Variants in CFTR observed in about 807,000 individuals in gnomAD.
CFTR encodes the protein CF transmembrane conductance regulator.
In CFTR, 181 loss-of-function variants were observed where a neutral mutation model predicts 171.6. The observed-to-expected ratio is 1.05, with a 90% CI of 0.93 to 1.19. CFTR has a LOEUF of 1.19. Ranked by LOEUF, CFTR falls within the 50% of genes most tolerant of loss-of-function variation. The probability of loss-of-function intolerance (pLI) is 0.00; values close to 1 mark genes in which losing one functional copy is unlikely to be tolerated. For missense variants in CFTR, 1,968 were observed against 1,734.7 expected (o/e 1.13, Z -2.39); for synonymous variants, 583 against 608.0 (o/e 0.96, Z 0.60).
chr7:117,480,274 T>C (rs1164148561), intron 1 of CFTR, 127 bp downstream of exon 1: 4 of 838,390 alleles, frequency 4.8e-6, no homozygotes, highest in African/African-American at 1.7e-5. Flanking sequence ...TTCATTGTTT[T>C]GAAAGAAAAT....
chr7:117,568,781 A>T (rs1791642869), intron 11 of CFTR, among the ~76,000 whole-genome samples: 1 of 152,040 alleles, frequency 6.6e-6, no homozygotes, highest in Admixed American at 6.6e-5. Flanking sequence ...TCTCTTAGCA[A>T]TTTTCAAGTA....
At chr7:117,649,400 A>C (rs1476502102) in intron 23 of CFTR, among the ~76,000 whole-genome samples, 1 of 149,484 alleles carries the variant, frequency 6.7e-6, no homozygotes, top group Admixed American at 6.7e-5. Context: ...ACACACATAT[A>C]TCTGTGTGTA....
chr7:117,662,410 T>G (rs1256584306), intron 24 of CFTR, among the ~76,000 whole-genome samples: 1 of 152,134 alleles, frequency 6.6e-6, no homozygotes, highest in African/African-American at 2.4e-5. Flanking sequence ...ACTAGGTGCC[T>G]GGTTGAATGG....
At chr7:117,612,033 A>ATATATATATATATATATATG (rs1792408060) in intron 20 of CFTR, among the ~76,000 whole-genome samples, 2 of 75,310 alleles carry the variant, frequency 2.7e-5, no homozygotes, top group African/African-American at 6.0e-5. Context: ...GTATATATAT[A>ATATATATATATATATATATG]TATATATATA....
Position 117,649,365 on chromosome 7 carries a change from T to A in CFTR, c.3874-3477T>A, listed in dbSNP as rs951389191. ...ATATATATCTACACACATCTAGATA[T>A]ATATATACATGTATATCTATATATA... On this transcript the variant is annotated intron_variant, in intron 23 of 26. Transcript: ENST00000003084. 2.0e-5 allele frequency among the ~76,000 whole-genome samples: 3 copies of A among 150,104 alleles called. No homozygotes were observed. In the East Asian group the frequency reaches 5.8e-4, roughly 29 times the overall value.
intron 15 of CFTR, among the ~76,000 whole-genome samples, chr7:117,597,574 T>G (rs986374273): frequency 6.6e-6 from 1 of 152,222 alleles, no homozygotes; most frequent in African/African-American, 2.4e-5. Flanking sequence ...GTTCTCTTAT[T>G]CAAAAGGTTG....
chr7:117,563,732 G>C (rs1297074101), intron 11 of CFTR, among the ~76,000 whole-genome samples: 1 of 152,058 alleles, frequency 6.6e-6, no homozygotes, highest in Admixed American at 6.6e-5. Context: ...AATAATTGTT[G>C]ACAATAAGTT....
intron 11 of CFTR, among the ~76,000 whole-genome samples, chr7:117,577,725 TA>T (rs1232967888): frequency 2.6e-5 from 4 of 152,136 alleles, no homozygotes; most frequent in Admixed American, 6.6e-5. Context: ...ATGTGGGGGT[TA>T]GGGGTGCTGA....
intron 22 of CFTR, among the ~76,000 whole-genome samples, chr7:117,632,471 GAGGATC>G (rs1792761897): frequency 6.6e-6 from 1 of 151,760 alleles, no homozygotes; most frequent in South Asian, 2.1e-4. Flanking sequence ...ACTGAGGCAG[GAGGATC>G]GCTTGAGCCC....
In CFTR at chr7:117,619,233, T is replaced by C. The variant is rs1792537027; in HGVS notation, c.3468+4520T>C. Among the ~76,000 whole-genome samples the C allele has an allele frequency of 6.6e-5, 10 of 152,354 alleles. No individual in the cohort carries two copies. In the South Asian group the frequency reaches 2.1e-3, roughly 32 times the overall value. ...CTTCCATTTTTAGTAACATAAGTCT[T>C]GTCTTTCTCCTATTCTTAGCTACTT... On this transcript the variant is annotated intron_variant, in intron 21 of 26. Transcript: ENST00000003084.
chr7:117,545,285 C>T (rs904928455), intron 9 of CFTR, among the ~76,000 whole-genome samples: 1 of 152,180 alleles, frequency 6.6e-6, no homozygotes, highest in Non-Finnish European at 1.5e-5. Context: ...TGGGTCCCTC[C>T]CACAACACAT....
chr7:117,663,522 A>C (rs917235573), intron 24 of CFTR, among the ~76,000 whole-genome samples: 4 of 152,084 alleles, frequency 2.6e-5, no homozygotes, highest in Non-Finnish European at 4.4e-5. Flanking sequence ...AAAAAAAAAA[A>C]AAAAACAAGC....
Position 117,592,554 on chromosome 7 carries a change from T to C in CFTR, c.2387T>C (p.Leu796Pro), listed in dbSNP as rs1291965190. Residue 796 changes from leucine (L) to proline (P), a missense_variant, in exon 14 of 27, where the codon CTG becomes CCG. Transcript: ENST00000003084. ...KTTASTRKVS[L>P]APQANLTELD... ...ACAGCATCCACACGAAAAGTGTCACTGGCCCCTCAGGCAAACTTGACTGAA... is the reference window on the plus strand; with the variant it reads ...ACAGCATCCACACGAAAAGTGTCACCGGCCCCTCAGGCAAACTTGACTGAA... 2 of 1,521,192 alleles carry C rather than the reference T, an allele frequency of 1.3e-6. No homozygotes were observed. The highest frequency in any genetic ancestry group is 4.5e-5 in the East Asian group (2 of 44,104). The allele number at this position is 1,521,192 out of a possible 1,614,324, so 94.2% of individuals were successfully genotyped here. A position where few individuals can be genotyped will look rare whatever the true frequency, so the allele number is the denominator to read the frequency against.
At chr7:117,500,439 C>T (rs184990100) in intron 1 of CFTR, among the ~76,000 whole-genome samples, 40 of 151,626 alleles carry the variant, frequency 2.6e-4, no homozygotes, top group African/African-American at 9.2e-4. Context: ...GGCATGTGCC[C>T]CCATGCCTGG....
intron 26 of CFTR, among the ~76,000 whole-genome samples, chr7:117,666,570 C>T (rs775673024): frequency 4.0e-4 from 61 of 152,110 alleles, no homozygotes; most frequent in Non-Finnish European, 6.9e-4. Flanking sequence ...GTGGAAGAGG[C>T]TCAACTCTTT....
At chr7:117,648,811 G>A (rs1187554939) in intron 23 of CFTR, among the ~76,000 whole-genome samples, 1 of 152,118 alleles carries the variant, frequency 6.6e-6, no homozygotes, top group Admixed American at 6.6e-5. Context: ...CTGGAAGCAA[G>A]AGAGTGCCAG....
chr7:117,659,221 T>A (rs1793227079), intron 24 of CFTR, among the ~76,000 whole-genome samples: 2 of 152,146 alleles, frequency 1.3e-5, no homozygotes, highest in Non-Finnish European at 2.9e-5. Flanking sequence ...TTTCCAAAAA[T>A]CTGCCTTGAC....
rs186886234 is a variant in CFTR at position 117,523,668 on chromosome 7, C to T, written c.274-7231C>T. ...CTGGGATTACAGGCGTGAGCCACCG[C>T]GCCCGGCCCCTGTCTCTGAATTTTT... is the stretch of plus-strand genomic sequence containing the variant. On this transcript the variant is annotated intron_variant, in intron 3 of 26. Transcript: ENST00000003084. Among the ~76,000 whole-genome samples the T allele has an allele frequency of 1.5e-3, 231 of 152,264 alleles. 1 individual carries two copies. The highest frequency in any genetic ancestry group is 4.9e-3 in the African/African-American group (203 of 41,568).
At chr7:117,665,422 C>A in intron 25 of CFTR, 37 bp from the exon 26 acceptor site, 1 of 1,152,772 alleles carries the variant, frequency 8.7e-7, no homozygotes, top group South Asian at 1.2e-5. Context: ...CATTACTGTT[C>A]TGTGATATTA....
Sources: allele counts gnomAD v4.1 joint callset (sites outside exome capture counted in the v4.1 genomes callset), GRCh38; gene constraint gnomAD v4.1.1; transcripts MANE v1.5; gene names NCBI Gene and HGNC (gene_info 2026-07-23, HGNC 2026-07-21).